The following SDAD1 variants were observed in gnomAD, a reference collection of about 807,000 sequenced individuals.
SDAD1 encodes the protein SDA1 domain containing 1.
A neutral mutation model predicts 100.3 loss-of-function variants in SDAD1; 79 were observed. That is an observed-to-expected ratio of 0.79 (90% CI 0.66 to 0.95). The LOEUF (loss-of-function observed/expected upper bound fraction) is 0.95. Ranked by LOEUF, SDAD1 falls within the 40% of genes least tolerant of loss-of-function variation. The pLI is 0.00. For synonymous variants in SDAD1, 267 were observed against 271.4 expected, an observed-to-expected ratio of 0.98 and a Z score of 0.16; for missense variants, 790 against 810.9, an observed-to-expected ratio of 0.97 and a Z score of 0.31.
intron 1 of SDAD1, among the ~76,000 whole-genome samples, chr4:75,990,130 C>T (rs1254321308): frequency 6.6e-6 from 1 of 152,134 alleles, no homozygotes; most frequent in Non-Finnish European, 1.5e-5. Context: ...TACACAAAGC[C>T]CATCACAATG....
intron 1 of SDAD1, among the ~76,000 whole-genome samples, 164 bp from the exon 2 acceptor site, chr4:75,982,201 A>G (rs551296951): frequency 3.9e-5 from 6 of 152,256 alleles, no homozygotes; most frequent in South Asian, 2.1e-4. Context: ...TGCATTCTTC[A>G]AAGTGCGCTT....
intron 20 of SDAD1, among the ~76,000 whole-genome samples, 170 bp downstream of exon 20, chr4:75,957,155 C>A (rs1728944184): frequency 6.6e-6 from 1 of 152,082 alleles, no homozygotes; most frequent in Non-Finnish European, 1.5e-5. Flanking sequence ...CCAAACAAAA[C>A]CCCTCATCTA....
chr4:75,973,248 A>C, intron 8 of SDAD1, 69 bp downstream of exon 8: 1 of 1,278,242 alleles, frequency 7.8e-7, no homozygotes, highest in Non-Finnish European at 1.1e-6. Flanking sequence ...CAGCAGTCAT[A>C]GACTTTACAA....
rs746621108 is a variant in SDAD1, at chr4:75,950,757, A to G, written c.2057T>C (p.Met686Thr). The G allele has an allele frequency of 1.3e-6, 2 of 1,592,754 alleles. No individual in the cohort carries two copies. The highest frequency in any genetic ancestry group is 2.2e-5 in the South Asian group (2 of 89,554). The change falls in exon 22 of 22, where the codon ATG (methionine) becomes ACG (threonine). Residue 686 changes from methionine to threonine, a missense_variant. Coordinates refer to ENST00000356260, the MANE Select transcript of SDAD1 (RefSeq NM_018115.4). ...RDALLKKRKR[M>T]K Reference sequence around the variant, plus strand: ...GGAAAACTTGCCAGGAAGTTACTTCATTCTTTTTCTCTTTTTCAAAAGTGC... The same window carrying G: ...GGAAAACTTGCCAGGAAGTTACTTCGTTCTTTTTCTCTTTTTCAAAAGTGC...
chr4:75,986,192 C>A (rs865811776), intron 1 of SDAD1, among the ~76,000 whole-genome samples: 26 of 152,062 alleles, frequency 1.7e-4, no homozygotes, highest in African/African-American at 5.3e-4. Flanking sequence ...TATCATGGCT[C>A]ACTGCAGCAT....
At chr4:75,965,436 T>C (rs1455786026) in intron 13 of SDAD1, among the ~76,000 whole-genome samples, 2 of 152,194 alleles carry the variant, frequency 1.3e-5, no homozygotes, top group African/African-American at 4.8e-5. Flanking sequence ...TGTAATATTT[T>C]ATTACCTTGT....
intron 21 of SDAD1, among the ~76,000 whole-genome samples, chr4:75,953,179 A>G (rs78160967): frequency 6.6e-6 from 1 of 152,234 alleles, no homozygotes; most frequent in South Asian, 2.1e-4. Context: ...CATATGTCCA[A>G]TGAAATCTTA....
chr4:75,988,979 C>T (rs1349743960), intron 1 of SDAD1, among the ~76,000 whole-genome samples: 1 of 152,158 alleles, frequency 6.6e-6, no homozygotes. Flanking sequence ...TGCTCCTCTA[C>T]AAGCCATTCC....
intron 21 of SDAD1, 53 bp from the exon 22 acceptor site, chr4:75,950,850 C>G (rs1441668741): frequency 7.9e-7 from 1 of 1,267,020 alleles, no homozygotes; most frequent in African/African-American, 1.5e-5. Context: ...CCCTATTATA[C>G]GAATTTGGTT....
At chr4:75,983,325 G>T (rs145614989) in intron 1 of SDAD1, among the ~76,000 whole-genome samples, 61 of 152,182 alleles carry the variant, frequency 4.0e-4, no homozygotes, top group Non-Finnish European at 7.9e-4. Flanking sequence ...GGATGGCTGG[G>T]TCAAATGGTA....
At chr4:75,981,306 T>A in intron 3 of SDAD1, 66 bp downstream of exon 3, 1 of 1,422,870 alleles carries the variant, frequency 7.0e-7, no homozygotes, top group Non-Finnish European at 9.8e-7. Flanking sequence ...CTGTTCTCAT[T>A]TAAATATATA....
chr4:75,966,204 G>A (rs779865020), intron 12 of SDAD1, among the ~76,000 whole-genome samples: 1 of 150,436 alleles, frequency 6.6e-6, no homozygotes, highest in Non-Finnish European at 1.5e-5. Context: ...TGTGGAATTC[G>A]TACTGTCTTA....
At chr4:75,989,368 T>A (rs1279661857) in intron 1 of SDAD1, among the ~76,000 whole-genome samples, 3 of 152,190 alleles carry the variant, frequency 2.0e-5, no homozygotes, top group Non-Finnish European at 2.9e-5. Flanking sequence ...CATCCAGTTT[T>A]ATTTTCTTCA....
At chr4:75,964,665 T>C (rs1729439345) in intron 13 of SDAD1, among the ~76,000 whole-genome samples, 1 of 152,160 alleles carries the variant, frequency 6.6e-6, no homozygotes, top group African/African-American at 2.4e-5. Flanking sequence ...ACCCTTGTTG[T>C]GGGAAGTCAG....
chr4:75,960,944 A>G, intron 16 of SDAD1, 84 bp downstream of exon 16: 1 of 1,065,118 alleles, frequency 9.4e-7, no homozygotes, highest in African/African-American at 1.6e-5. Flanking sequence ...GAAGCATCAT[A>G]AGTACTAAAA....
chr4:75,964,777 C>G (rs905866716), intron 13 of SDAD1, among the ~76,000 whole-genome samples: 3 of 152,116 alleles, frequency 2.0e-5, no homozygotes, highest in African/African-American at 7.2e-5. Context: ...ATTTCTTATG[C>G]CTGTCTTTGC....
intron 21 of SDAD1, among the ~76,000 whole-genome samples, chr4:75,954,057 C>T (rs978379013): frequency 6.6e-6 from 1 of 152,054 alleles, no homozygotes; most frequent in Non-Finnish European, 1.5e-5. Flanking sequence ...GAGATATCAC[C>T]ACACAAAATT....
intron 12 of SDAD1, among the ~76,000 whole-genome samples, chr4:75,966,357 G>T (rs1275191913): frequency 2.7e-5 from 4 of 150,824 alleles, no homozygotes; most frequent in Non-Finnish European, 5.9e-5. Context: ...AACAAACAAG[G>T]CCACTGGCAA....
intron 20 of SDAD1, 129 bp from the exon 21 acceptor site, chr4:75,956,265 G>A (rs1240739283): frequency 3.2e-6 from 3 of 937,916 alleles, no homozygotes; most frequent in African/African-American, 1.7e-5. Flanking sequence ...ACAGGACACA[G>A]TCTTTGCTCC....
Sources: gnomAD v4.1 joint callset for allele counts (sites outside exome capture counted in the v4.1 genomes callset) on GRCh38, gnomAD v4.1.1 for gene constraint, MANE v1.5 for transcripts, NCBI Gene and HGNC (gene_info 2026-07-23, HGNC 2026-07-21) for gene names.